LRRC4C: variants seen among roughly 807,000 people sequenced by gnomAD.
The protein encoded by LRRC4C is leucine-rich repeat-containing protein 4C.
LRRC4C carries 5 observed loss-of-function variants against 33.6 expected under a neutral mutation model. That is an observed-to-expected ratio of 0.15 (90% CI 0.08 to 0.31). The LOEUF is 0.31. Ranked by LOEUF, LRRC4C falls within the 10% of genes least tolerant of loss-of-function variation. The pLI is 1.00. For missense variants in LRRC4C, 560 were observed against 796.7 expected (o/e 0.70, Z 3.58); for synonymous variants, 329 against 302.0 (o/e 1.09, Z -0.93).
chr11:40,541,807 G>A (rs1956720323), intron 3 of LRRC4C, among the ~76,000 whole-genome samples: 1 of 152,028 alleles, frequency 6.6e-6, no homozygotes, highest in Admixed American at 6.6e-5. Flanking sequence ...CTTAGTAAAT[G>A]TTGGTTAAAT....
chr11:41,143,895 T>A (rs371219334), intron 1 of LRRC4C, among the ~76,000 whole-genome samples: 1 of 152,194 alleles, frequency 6.6e-6, no homozygotes, highest in East Asian at 1.9e-4. Flanking sequence ...CTGGTCAAAG[T>A]CAGCTTCCAC....
In LRRC4C at chr11:40,790,030, T is replaced by G. The variant is rs527274443; in HGVS notation, c.-406-141752A>C. ...AAGAGCAAGTACAGGCAGGATTCAC[T>G]TGAAAGATTGGAACAATATTAGAAA... On this transcript the variant is annotated intron_variant, in intron 2 of 6. Coordinates refer to ENST00000528697, the MANE Select transcript of LRRC4C (RefSeq NM_001258419.2). Among the ~76,000 whole-genome samples, 46 of 152,326 alleles carry G rather than the reference T, an allele frequency of 3.0e-4. 1 individual carries two copies. The South Asian group carries it at 9.1e-3, about 30-fold the overall frequency.
At chr11:41,442,685 G>A (rs963551793) in intron 1 of LRRC4C, among the ~76,000 whole-genome samples, 4 of 151,702 alleles carry the variant, frequency 2.6e-5, no homozygotes, top group Non-Finnish European at 5.9e-5. Flanking sequence ...TAGCCAGGAT[G>A]GTCTCGATCT....
At chr11:40,350,855 C>A (rs1236297323) in intron 3 of LRRC4C, among the ~76,000 whole-genome samples, 5 of 151,618 alleles carry the variant, frequency 3.3e-5, no homozygotes, top group Admixed American at 1.3e-4. Flanking sequence ...GTAGCTAGTG[C>A]AAATGGGGTT....
At chr11:40,468,773 G>A (rs1393392448) in intron 3 of LRRC4C, among the ~76,000 whole-genome samples, 1 of 151,994 alleles carries the variant, frequency 6.6e-6, no homozygotes, top group Non-Finnish European at 1.5e-5. Flanking sequence ...TACAAAAAAG[G>A]AAGCTGAAAA....
chr11:40,499,710 A>T (rs10837427), intron 3 of LRRC4C, among the ~76,000 whole-genome samples: 83,142 of 151,622 alleles, frequency 0.55, 23,242 homozygotes, highest in East Asian at 0.81. Context: ...TTAGATATAA[A>T]CTAACATGTT....
At chr11:40,684,423 C>T (rs1944855272) in intron 2 of LRRC4C, among the ~76,000 whole-genome samples, 1 of 151,772 alleles carries the variant, frequency 6.6e-6, no homozygotes, top group Admixed American at 6.6e-5. Context: ...AAGGAAGTAA[C>T]TCATAATCAA....
intron 1 of LRRC4C, among the ~76,000 whole-genome samples, chr11:41,291,211 C>T (rs1949982983): frequency 6.6e-6 from 1 of 152,086 alleles, no homozygotes; most frequent in Non-Finnish European, 1.5e-5. Flanking sequence ...AGATAAGATT[C>T]ACCACTTAGG....
At chr11:40,673,306 G>C (rs1944226975) in intron 2 of LRRC4C, among the ~76,000 whole-genome samples, 1 of 152,048 alleles carries the variant, frequency 6.6e-6, no homozygotes, top group Non-Finnish European at 1.5e-5. Flanking sequence ...TCTTTTCCAA[G>C]AATATTTATC....
intron 3 of LRRC4C, among the ~76,000 whole-genome samples, chr11:40,642,839 G>T (rs1942207648): frequency 6.6e-6 from 1 of 152,038 alleles, no homozygotes. Context: ...TAAATTCATA[G>T]TTCCACCTTG....
At chr11:40,688,732 C>A (rs1310338458) in intron 2 of LRRC4C, among the ~76,000 whole-genome samples, 8 of 152,106 alleles carry the variant, frequency 5.3e-5, no homozygotes, top group African/African-American at 1.9e-4. Flanking sequence ...AAGGCCAATT[C>A]TCACAGGACA....
intron 4 of LRRC4C, among the ~76,000 whole-genome samples, chr11:40,308,973 G>A (rs1945171969): frequency 6.6e-6 from 1 of 152,122 alleles, no homozygotes; most frequent in Admixed American, 6.5e-5. Flanking sequence ...GATCATATAG[G>A]TATTCTCAAA....
chr11:40,402,294 C>T (rs1271603587), intron 3 of LRRC4C, among the ~76,000 whole-genome samples: 5 of 152,040 alleles, frequency 3.3e-5, no homozygotes, highest in Admixed American at 6.6e-5. Context: ...AGTATTTATT[C>T]CAGATATTTT....
intron 3 of LRRC4C, among the ~76,000 whole-genome samples, chr11:40,398,895 A>G (rs1949648443): frequency 6.6e-6 from 1 of 152,106 alleles, no homozygotes; most frequent in African/African-American, 2.4e-5. Flanking sequence ...TATTTCATTG[A>G]CGTACCTAAT....
intron 3 of LRRC4C, among the ~76,000 whole-genome samples, chr11:40,496,872 C>T (rs143565481): frequency 6.6e-6 from 1 of 152,252 alleles, no homozygotes; most frequent in African/African-American, 2.4e-5. Context: ...TCTAAAAGTT[C>T]AGTTTCCTAA....
intron 1 of LRRC4C, among the ~76,000 whole-genome samples, chr11:41,404,762 A>G (rs979590711): frequency 6.6e-6 from 1 of 152,026 alleles, no homozygotes; most frequent in Non-Finnish European, 1.5e-5. Flanking sequence ...TAGTCATAGG[A>G]TATTTCAGAC....
At chr11:41,374,809 C>T (rs372427083) in intron 1 of LRRC4C, among the ~76,000 whole-genome samples, 9 of 151,956 alleles carry the variant, frequency 5.9e-5, no homozygotes, top group South Asian at 2.1e-4. Flanking sequence ...GAAATATTTG[C>T]GGTAAAAATG....
rs746822718 is a variant in LRRC4C at position 40,116,102 on chromosome 11, C to T, written c.191G>A (p.Arg64Gln). Reference protein sequence around the residue: ...SNQFSKVICVRKNLREVPDGI... With the variant: ...SNQFSKVICVQKNLREVPDGI... ...ATCCGGAACCTCACGCAGGTTTTTC[C>T]GAACACAAATCACCTTGCTGAACTG... Residue 64 changes from arginine to glutamine, a missense_variant, in exon 7 of 7, where the codon CGG (arginine) becomes CAG (glutamine). Around this residue, in one of 3 missense-constraint regions of LRRC4C, gnomAD observed 455 missense variants for 643.8 expected, o/e 0.71. Coordinates refer to ENST00000528697, the MANE Select transcript of LRRC4C (RefSeq NM_001258419.2). The T allele has an allele frequency of 7.4e-6, 12 of 1,613,902 alleles. No individual in the cohort carries two copies. The highest frequency in any genetic ancestry group is 1.6e-4 in the Middle Eastern group (1 of 6,082).
intron 1 of LRRC4C, among the ~76,000 whole-genome samples, chr11:41,422,868 C>T (rs1361322926): frequency 6.6e-6 from 1 of 151,966 alleles, no homozygotes; most frequent in Non-Finnish European, 1.5e-5. Context: ...AGCAGAGACG[C>T]ACTGAATTAG....
Sources: allele counts gnomAD v4.1 joint callset (sites outside exome capture counted in the v4.1 genomes callset), GRCh38; gene constraint gnomAD v4.1.1; regional missense constraint gnomAD v4.1.1; transcripts MANE v1.5; gene names NCBI Gene and HGNC (gene_info 2026-07-23, HGNC 2026-07-21).